Variants in EYS observed in about 807,000 individuals in gnomAD.
The protein encoded by EYS is EGF-like photoreceptor maintenance factor.
Under a neutral mutation model 282.1 loss-of-function variants are expected in EYS, and 250 were observed. The ratio of observed to expected loss-of-function variants is 0.89; its 90% CI spans 0.80 to 0.98. The LOEUF is 0.98. Ranked by LOEUF, EYS falls within the 50% of genes least tolerant of loss-of-function variation. The probability of loss-of-function intolerance (pLI) is 0.00; values close to 1 mark genes in which losing one functional copy is unlikely to be tolerated. For missense variants in EYS, 4,016 were observed against 3,709.0 expected, an observed-to-expected ratio of 1.08 and a Z score of -2.15; for synonymous variants, 1,355 against 1,282.9, an observed-to-expected ratio of 1.06 and a Z score of -1.20.
At chr6:65,517,303 C>T (rs1241730553) in intron 2 of EYS, among the ~76,000 whole-genome samples, 1 of 143,506 alleles carries the variant, frequency 7.0e-6, no homozygotes, top group Non-Finnish European at 1.5e-5. Context: ...TTGTCTGTAA[C>T]AAAAGTATTT....
At chr6:65,204,920 T>C (rs572415901) in intron 12 of EYS, among the ~76,000 whole-genome samples, 4 of 115,218 alleles carry the variant, frequency 3.5e-5, no homozygotes, top group East Asian at 4.2e-4. Flanking sequence ...TATATATTCT[T>C]TATATATTCT....
intron 26 of EYS, among the ~76,000 whole-genome samples, chr6:64,535,181 T>C (rs1346579466): frequency 2.6e-5 from 4 of 152,314 alleles, no homozygotes; most frequent in South Asian, 2.1e-4. Context: ...CCAAATTCTC[T>C]GGGAATGTTC....
intron 12 of EYS, among the ~76,000 whole-genome samples, chr6:65,237,980 G>T (rs1766968255): frequency 6.6e-6 from 1 of 151,822 alleles, no homozygotes; most frequent in Admixed American, 6.6e-5. Flanking sequence ...ATCACAAAAT[G>T]GTCATGTAAA....
chr6:63,864,084 GT>G, intron 36 of EYS, 101 bp downstream of exon 36: 1 of 1,081,920 alleles, frequency 9.2e-7, no homozygotes, highest in Non-Finnish European at 1.2e-6. Flanking sequence ...AAGATTTGAT[GT>G]ATTTGATCAG....
intron 5 of EYS, among the ~76,000 whole-genome samples, chr6:65,467,814 T>C (rs567327686): frequency 6.6e-6 from 1 of 152,124 alleles, no homozygotes; most frequent in South Asian, 2.1e-4. Flanking sequence ...TAAAAATATA[T>C]GACAGAATTA....
intron 2 of EYS, among the ~76,000 whole-genome samples, chr6:65,603,975 G>T (rs1765694708): frequency 6.6e-6 from 1 of 151,396 alleles, no homozygotes; most frequent in East Asian, 1.9e-4. Flanking sequence ...TTTTTTCCTT[G>T]ATTTGAATGA....
At chr6:65,276,161 T>C (rs959720818) in intron 12 of EYS, among the ~76,000 whole-genome samples, 1 of 152,104 alleles carries the variant, frequency 6.6e-6, no homozygotes, top group Non-Finnish European at 1.5e-5. Flanking sequence ...ATAGTGCCAG[T>C]GAGGTGATAA....
intron 31 of EYS, among the ~76,000 whole-genome samples, chr6:64,227,953 C>T (rs186923153): frequency 6.6e-6 from 1 of 151,966 alleles, no homozygotes; most frequent in African/African-American, 2.4e-5. Flanking sequence ...GCAATTGAAA[C>T]AATTTGAAAA....
chr6:64,637,336 C>A (rs1405284398), intron 22 of EYS, among the ~76,000 whole-genome samples: 1 of 86,692 alleles, frequency 1.2e-5, no homozygotes, highest in Non-Finnish European at 2.4e-5. Flanking sequence ...AGCAAACTAT[C>A]GCAAGGACAA....
intron 35 of EYS, among the ~76,000 whole-genome samples, chr6:63,864,789 G>A (rs956811650): frequency 6.6e-6 from 1 of 152,144 alleles, no homozygotes; most frequent in African/African-American, 2.4e-5. Context: ...TGAGGACAAA[G>A]TCCTCCAAGA....
intron 34 of EYS, among the ~76,000 whole-genome samples, chr6:63,993,299 T>C (rs1767687356): frequency 6.6e-6 from 1 of 151,478 alleles, no homozygotes; most frequent in Non-Finnish European, 1.5e-5. Context: ...CTGGAAGTCC[T>C]GGCTGGAGCA....
At chr6:65,485,090 C>T (rs981275198) in intron 5 of EYS, among the ~76,000 whole-genome samples, 2 of 152,140 alleles carry the variant, frequency 1.3e-5, no homozygotes, top group African/African-American at 4.8e-5. Flanking sequence ...TCTTATTCTA[C>T]AATAAATACT....
At chr6:65,276,492 G>T (rs1197304413) in intron 12 of EYS, among the ~76,000 whole-genome samples, 3 of 151,966 alleles carry the variant, frequency 2.0e-5, no homozygotes, top group Non-Finnish European at 4.4e-5. Context: ...GGATCAACAG[G>T]CAAAGAAGAG....
At chr6:64,205,846 T>C (rs11968677) in intron 31 of EYS, among the ~76,000 whole-genome samples, 35,474 of 84,478 alleles carry the variant, frequency 0.42, 3,877 homozygotes, top group East Asian at 0.51. Flanking sequence ...CACACACACA[T>C]ATATATATAT....
intron 36 of EYS, among the ~76,000 whole-genome samples, chr6:63,826,845 C>CAAAAAAAAAAAAAAAAAGGGAAAAAA (rs1771475400): frequency 1.3e-5 from 1 of 76,762 alleles, no homozygotes. Flanking sequence ...AGTTAAAAAG[C>CAAAAAAAAAAAAAAAAAGGGAAAAAA]AAAAAAAAAA....
chr6:64,493,457 T>G (rs920939051), intron 26 of EYS, among the ~76,000 whole-genome samples: 1 of 151,554 alleles, frequency 6.6e-6, no homozygotes, highest in African/African-American at 2.4e-5. Flanking sequence ...GTAGAACATT[T>G]GGCTAAATGG....
chr6:64,763,197 G>A (rs990633647), intron 22 of EYS, among the ~76,000 whole-genome samples: 3 of 152,040 alleles, frequency 2.0e-5, no homozygotes, highest in Admixed American at 6.6e-5. Flanking sequence ...TATTTTTATG[G>A]GTGTATCAGT....
At chr6:63,906,332 C>A (rs952663855) in intron 35 of EYS, among the ~76,000 whole-genome samples, 2 of 152,194 alleles carry the variant, frequency 1.3e-5, no homozygotes, top group African/African-American at 4.8e-5. Flanking sequence ...CCACAAATTA[C>A]GGCACCTATT....
intron 8 of EYS, among the ~76,000 whole-genome samples, chr6:65,380,783 C>A (rs1765580854): frequency 6.6e-6 from 1 of 151,906 alleles, no homozygotes; most frequent in African/African-American, 2.4e-5. Flanking sequence ...AAGAAAAAAA[C>A]AACCTCATCA....
Sources: gnomAD v4.1 joint callset for allele counts (sites outside exome capture counted in the v4.1 genomes callset) on GRCh38, gnomAD v4.1.1 for gene constraint, MANE v1.5 for transcripts, NCBI Gene and HGNC (gene_info 2026-07-23, HGNC 2026-07-21) for gene names.